Variants in GNG2 observed in about 807,000 individuals in gnomAD.
GNG2 encodes the protein G protein subunit gamma 2.
Under a neutral mutation model 5.5 loss-of-function variants are expected in GNG2, and 5 were observed. That is an observed-to-expected ratio of 0.91 (90% CI 0.48 to 1.92). The LOEUF (loss-of-function observed/expected upper bound fraction) is 1.92. GNG2 is among the 30% of genes most tolerant of loss of function. GNG2 has a pLI of 0.01. For missense variants in GNG2, 55 were observed against 88.4 expected (o/e 0.62, Z 1.52); for synonymous variants, 28 against 32.0 (o/e 0.88, Z 0.42).
At chr14:51,875,572 C>T (rs1883599463) in intron 1 of GNG2, among the ~76,000 whole-genome samples, 1 of 151,904 alleles carries the variant, frequency 6.6e-6, no homozygotes, top group Non-Finnish European at 1.5e-5. Context: ...TATTTTCTTC[C>T]AGTCTTTATG....
chr14:51,860,111 C>G (rs1410802639), upstream of GNG2, among the ~76,000 whole-genome samples: 1 of 151,734 alleles, frequency 6.6e-6, no homozygotes, highest in Non-Finnish European at 1.5e-5. Flanking sequence ...AAGCTGCAAG[C>G]TGCAAGCTCC....
upstream of GNG2, among the ~76,000 whole-genome samples, chr14:51,859,982 T>C (rs142982498): frequency 6.6e-6 from 1 of 152,312 alleles, no homozygotes; most frequent in East Asian, 1.9e-4. Flanking sequence ...AGAATACTTA[T>C]CAGGGCCATT....
At chr14:51,842,785 C>T (rs1216418109) in intron 2 of GNG2, among the ~76,000 whole-genome samples, 1 of 152,082 alleles carries the variant, frequency 6.6e-6, no homozygotes, top group Non-Finnish European at 1.5e-5. Flanking sequence ...GTGCCTCAGC[C>T]TCACCAGTAG....
At chr14:51,922,108 A>G (rs1327689292) in intron 2 of GNG2, among the ~76,000 whole-genome samples, 2 of 152,206 alleles carry the variant, frequency 1.3e-5, no homozygotes, top group Non-Finnish European at 2.9e-5. Context: ...TTCTGTGTGT[A>G]TATGCGTGTT....
At chr14:51,947,228 C>T (rs1322039615) in intron 2 of GNG2, among the ~76,000 whole-genome samples, 2 of 152,150 alleles carry the variant, frequency 1.3e-5, no homozygotes, top group Non-Finnish European at 2.9e-5. Context: ...AATAACAACC[C>T]CCCAAAGATG....
chr14:51,828,941 C>A (rs986476644), intron 2 of GNG2, among the ~76,000 whole-genome samples: 10 of 152,158 alleles, frequency 6.6e-5, no homozygotes, highest in Non-Finnish European at 1.2e-4. Context: ...GATATTAGCT[C>A]TCTTCCACCA....
chr14:51,847,797 C>T (rs1881691742), intron 2 of GNG2, among the ~76,000 whole-genome samples: 1 of 149,402 alleles, frequency 6.7e-6, no homozygotes, highest in South Asian at 2.1e-4. Context: ...AGAATGTGCT[C>T]CTTGATTTTA....
At chr14:51,880,967 G>GAAAAAAA (rs11463019) in intron 2 of GNG2, among the ~76,000 whole-genome samples, 6 of 101,976 alleles carry the variant, frequency 5.9e-5, no homozygotes, top group Non-Finnish European at 7.4e-5. Context: ...CAAAAAAAAA[G>GAAAAAAA]AAAAAAAAAA....
intron 2 of GNG2, among the ~76,000 whole-genome samples, chr14:51,938,383 G>A (rs1888132797): frequency 6.6e-6 from 1 of 152,158 alleles, no homozygotes; most frequent in South Asian, 2.1e-4. Context: ...GTGTTTAGTA[G>A]TTGCTCAATA....
chr14:51,905,854 C>A (rs1439379162), intron 2 of GNG2, among the ~76,000 whole-genome samples: 1 of 152,226 alleles, frequency 6.6e-6, no homozygotes, highest in Non-Finnish European at 1.5e-5. Context: ...TTACTCGGCA[C>A]TTTTCCTTGC....
intron 2 of GNG2, among the ~76,000 whole-genome samples, chr14:51,836,322 G>A (rs1881331961): frequency 6.6e-6 from 1 of 152,028 alleles, no homozygotes; most frequent in East Asian, 1.9e-4. Flanking sequence ...AGTAGCTAGG[G>A]TAGTAGTCAT....
At chr14:51,917,617 T>TA (rs1237906099) in intron 2 of GNG2, 3 of 288,078 alleles carry the variant, frequency 1.0e-5, no homozygotes, top group African/African-American at 2.2e-5. Context: ...TCCCTGAAAG[T>TA]AAAAATCAGA....
chr14:51,950,812 G>A (rs373581574), intron 3 of GNG2, 47 bp downstream of exon 3: 36 of 1,158,884 alleles, frequency 3.1e-5, no homozygotes, highest in Middle Eastern at 2.0e-4. Flanking sequence ...AGTCTAAGGC[G>A]CATGTCATGT....
intron 2 of GNG2, among the ~76,000 whole-genome samples, chr14:51,897,473 A>G (rs770574597): frequency 4.7e-4 from 72 of 152,184 alleles, no homozygotes; most frequent in Non-Finnish European, 8.7e-4. Flanking sequence ...TAAAATGAAG[A>G]AGTGTCACTT....
intron 1 of GNG2, among the ~76,000 whole-genome samples, chr14:51,868,532 C>G (rs1378634565): frequency 6.6e-6 from 1 of 152,064 alleles, no homozygotes; most frequent in African/African-American, 2.4e-5. Context: ...GTTGAGTAAT[C>G]CCTGAAGGCC....
intron 2 of GNG2, among the ~76,000 whole-genome samples, chr14:51,892,344 C>A (rs548996944): frequency 6.6e-6 from 1 of 151,560 alleles, no homozygotes; most frequent in African/African-American, 2.4e-5. Flanking sequence ...TAGAGTCTCA[C>A]TTTGTCCCTC....
intron 3 of GNG2, 53 bp downstream of exon 3, chr14:51,950,818 C>G: frequency 9.7e-7 from 1 of 1,030,238 alleles, no homozygotes; most frequent in Non-Finnish European, 1.4e-6. Flanking sequence ...AGGCGCATGT[C>G]ATGTGACCAC....
chr14:51,953,147 A>G (rs1277214843), intron 3 of GNG2, among the ~76,000 whole-genome samples: 1 of 152,226 alleles, frequency 6.6e-6, no homozygotes, highest in Non-Finnish European at 1.5e-5. Flanking sequence ...AAAGATTCAG[A>G]TCAAATTATT....
At chr14:51,888,117 A>G (rs976758023) in intron 2 of GNG2, among the ~76,000 whole-genome samples, 1 of 152,202 alleles carries the variant, frequency 6.6e-6, no homozygotes, top group African/African-American at 2.4e-5. Flanking sequence ...TATTCATTCA[A>G]AAGTTTCCTC....
Sources: gnomAD v4.1 joint callset for allele counts (sites outside exome capture counted in the v4.1 genomes callset) on GRCh38, gnomAD v4.1.1 for gene constraint, MANE v1.5 for transcripts, NCBI Gene and HGNC (gene_info 2026-07-23, HGNC 2026-07-21) for gene names.